The following CFAP206 variants were observed in gnomAD, a reference collection of about 807,000 sequenced individuals.
The protein encoded by CFAP206 is cilia- and flagella-associated protein 206.
A neutral mutation model predicts 65.4 loss-of-function variants in CFAP206; 53 were observed. That is an observed-to-expected ratio of 0.81 (90% confidence interval 0.65 to 1.02). The LOEUF (loss-of-function observed/expected upper bound fraction) is 1.02. Among genes scored for constraint, CFAP206 ranks in the 50% least tolerant of loss-of-function variants. The pLI is 0.00. For synonymous variants in CFAP206, 250 were observed against 254.4 expected, an observed-to-expected ratio of 0.98 and a Z score of 0.17; for missense variants, 663 against 753.2, an observed-to-expected ratio of 0.88 and a Z score of 1.40.
chr6:87,458,628 A>G (rs376236713), intron 11 of CFAP206, among the ~76,000 whole-genome samples: 136 of 152,208 alleles, frequency 8.9e-4, no homozygotes, highest in Middle Eastern at 3.4e-3. Flanking sequence ...ATTGAAATGG[A>G]GATAGCAGAA....
intron 12 of CFAP206, 32 bp downstream of exon 12, chr6:87,461,197 A>G (rs1768742562): frequency 7.0e-7 from 1 of 1,426,120 alleles, no homozygotes; most frequent in African/African-American, 1.5e-5. Context: ...AATTATTTAT[A>G]TGTTGGGGAA....
At chr6:87,413,686 G>T (rs1446976718) in intron 3 of CFAP206, 124 bp from the exon 4 acceptor site, 14 of 599,280 alleles carry the variant, frequency 2.3e-5, no homozygotes, top group Non-Finnish European at 3.4e-5. Flanking sequence ...AAAATAAAAG[G>T]GGTTATTGGT....
At chr6:87,447,372 T>C (rs1420352522) in intron 11 of CFAP206, among the ~76,000 whole-genome samples, 2 of 152,150 alleles carry the variant, frequency 1.3e-5, no homozygotes, top group Admixed American at 6.5e-5. Flanking sequence ...CAATACCTAG[T>C]TGATTGAGAG....
Position 87,426,523 on chromosome 6 carries a change from C to T in CFAP206, c.841-3C>T. 6.4e-7 allele frequency: 1 copy of T among 1,560,860 alleles called. No homozygotes were observed. Among genetic ancestry groups the T allele is most frequent in the East Asian group, 2.3e-5 (1 of 43,484 alleles). On this transcript the variant is annotated splice_polypyrimidine_tract_variant and splice_region_variant and intron_variant, in intron 7 of 12. Coordinates refer to ENST00000369562, the MANE Select transcript of CFAP206 (RefSeq NM_001031743.3). ...ATTAATGCAAATTATGTTGTTTTCA[C>T]AGTCAGATATAATTACTGGTGCTCA... is the stretch of plus-strand genomic sequence containing the variant.
intron 3 of CFAP206, among the ~76,000 whole-genome samples, chr6:87,413,287 T>A (rs1278314992): frequency 6.6e-6 from 1 of 152,248 alleles, no homozygotes; most frequent in East Asian, 1.9e-4. Context: ...AATGGAGTTT[T>A]ATTGAGCCAT....
At chr6:87,454,471 C>G (rs1768601417) in intron 11 of CFAP206, among the ~76,000 whole-genome samples, 1 of 152,098 alleles carries the variant, frequency 6.6e-6, no homozygotes, top group Non-Finnish European at 1.5e-5. Context: ...AGGATAAGAC[C>G]ATATGTTAGG....
At chr6:87,419,787 T>G (rs1355404527) in intron 7 of CFAP206, among the ~76,000 whole-genome samples, 1 of 152,234 alleles carries the variant, frequency 6.6e-6, no homozygotes, top group Non-Finnish European at 1.5e-5. Flanking sequence ...AACTAGGGGT[T>G]GTCCTCACAA....
intron 3 of CFAP206, among the ~76,000 whole-genome samples, chr6:87,412,769 T>C (rs1179073703): frequency 6.6e-6 from 1 of 152,154 alleles, no homozygotes; most frequent in South Asian, 2.1e-4. Context: ...CAAGCGATTC[T>C]CCTGTCTCAG....
rs781315053 is a variant in CFAP206 at position 87,418,280 on chromosome 6, G to GC, written c.706dup (p.Gln236ProfsTer10). Reference sequence around the variant, plus strand: ...GATTACCAGCTTGAGACTGCCCGGAGCCAGGTATACCGCTACACAGCCATC... The same window carrying GC: ...GATTACCAGCTTGAGACTGCCCGGAGCCCAGGTATACCGCTACACAGCCATC... On this transcript the variant is annotated frameshift_variant, in exon 7 of 13. Transcript: ENST00000369562. LOFTEE classifies it high-confidence loss of function. The GC allele has an allele frequency of 1.9e-6, 3 of 1,614,134 alleles. No homozygotes were observed. The highest frequency in any genetic ancestry group is 2.5e-6 in the Non-Finnish European group (3 of 1,180,038).
At chr6:87,416,855 A>C (rs891240391) in intron 6 of CFAP206, 28 bp downstream of exon 6, 6 of 1,577,338 alleles carry the variant, frequency 3.8e-6, no homozygotes, top group Middle Eastern at 1.7e-4. Flanking sequence ...TTAATTCTAA[A>C]GGTTATGTAT....
intron 3 of CFAP206, among the ~76,000 whole-genome samples, chr6:87,411,552 A>G (rs190551703): frequency 6.0e-4 from 91 of 152,256 alleles, no homozygotes; most frequent in Middle Eastern, 3.4e-3. Flanking sequence ...CAATTTGTCT[A>G]TTTCTGTTGC....
rs538660094 is a variant in CFAP206 at position 87,433,916 on chromosome 6, T to G, written c.1301-944T>G. ...GGAGTTCAAGACCAGCCTGACCAAT[T>G]TGATGAAACCCCGTCTCTATTAAAA... On this transcript the variant is annotated intron_variant, in intron 10 of 12. Coordinates refer to ENST00000369562, the MANE Select transcript of CFAP206 (RefSeq NM_001031743.3). Among the ~76,000 whole-genome samples the G allele has an allele frequency of 6.5e-4, 98 of 149,874 alleles. No homozygotes were observed. In the South Asian group the frequency reaches 0.015, roughly 23 times the overall value.
intron 11 of CFAP206, among the ~76,000 whole-genome samples, chr6:87,448,004 G>A (rs192551252): frequency 2.7e-3 from 355 of 131,814 alleles, no homozygotes; most frequent in Admixed American, 4.9e-3. Flanking sequence ...TGTGCAGAAC[G>A]TGCAGGTTTG....
chr6:87,463,655 T>C (rs1039740877), intron 12 of CFAP206, among the ~76,000 whole-genome samples: 1 of 152,206 alleles, frequency 6.6e-6, no homozygotes, highest in Admixed American at 6.5e-5. Context: ...ATAAATCTTA[T>C]ATTTTTGTTA....
chr6:87,424,639 A>G (rs983063423), intron 7 of CFAP206, among the ~76,000 whole-genome samples: 1 of 152,148 alleles, frequency 6.6e-6, no homozygotes, highest in Non-Finnish European at 1.5e-5. Context: ...TGTTGTATCA[A>G]ATATATTGTT....
At chr6:87,413,266 C>T (rs996225087) in intron 3 of CFAP206, among the ~76,000 whole-genome samples, 1 of 152,134 alleles carries the variant, frequency 6.6e-6, no homozygotes, top group East Asian at 1.9e-4. Flanking sequence ...AATGTATACA[C>T]ACATACACAC....
intron 11 of CFAP206, among the ~76,000 whole-genome samples, chr6:87,437,962 G>A (rs1199134813): frequency 1.3e-5 from 2 of 149,784 alleles, no homozygotes; most frequent in African/African-American, 4.9e-5. Flanking sequence ...GGGATTAAAT[G>A]TGTGAGCCAC....
At chr6:87,416,492 C>A (rs1375410227) in intron 5 of CFAP206, among the ~76,000 whole-genome samples, 177 bp from the exon 6 acceptor site, 1 of 152,158 alleles carries the variant, frequency 6.6e-6, no homozygotes, top group Non-Finnish European at 1.5e-5. Flanking sequence ...TCTCAGTAAT[C>A]CAGCTTTGAT....
At chr6:87,437,360 A>G (rs1768285376) in intron 11 of CFAP206, among the ~76,000 whole-genome samples, 1 of 146,528 alleles carries the variant, frequency 6.8e-6, no homozygotes, top group Non-Finnish European at 1.5e-5. Context: ...TACATTGCGT[A>G]TTTATAACTT....
Sources: allele counts gnomAD v4.1 joint callset (sites outside exome capture counted in the v4.1 genomes callset), GRCh38; gene constraint gnomAD v4.1.1; transcripts MANE v1.5; gene names NCBI Gene and HGNC (gene_info 2026-07-23, HGNC 2026-07-21).